CTNNA2: variants seen among roughly 807,000 people sequenced by gnomAD.
The protein encoded by CTNNA2 is catenin alpha 2.
In CTNNA2, 42 loss-of-function variants were observed where a neutral mutation model predicts 101.0. The ratio of observed to expected loss-of-function variants is 0.42; its 90% confidence interval spans 0.32 to 0.54. The LOEUF (loss-of-function observed/expected upper bound fraction) is 0.54. Among genes scored for constraint, CTNNA2 ranks in the 20% least tolerant of loss-of-function variants. The pLI is 0.14. For missense variants in CTNNA2, 871 were observed against 1,223.1 expected (o/e 0.71, Z 4.29); for synonymous variants, 450 against 456.4 (o/e 0.99, Z 0.18).
intron 7 of CTNNA2, among the ~76,000 whole-genome samples, chr2:80,269,461 G>T (rs1433177078): frequency 6.6e-6 from 1 of 152,068 alleles, no homozygotes; most frequent in South Asian, 2.1e-4. Flanking sequence ...TAAGTCTCGG[G>T]TATATCCTTA....
chr2:80,279,048 A>G (rs1674147065), intron 7 of CTNNA2, among the ~76,000 whole-genome samples: 2 of 26,266 alleles, frequency 7.6e-5, no homozygotes, highest in Non-Finnish European at 1.6e-4. Flanking sequence ...AATGACTTTT[A>G]CGTGTGTGTG....
chr2:79,760,402 C>T (rs1311995081), intron 3 of CTNNA2, among the ~76,000 whole-genome samples: 1 of 151,944 alleles, frequency 6.6e-6, no homozygotes. Flanking sequence ...TTGGTTCATG[C>T]AGTTGTGGGA....
intron 7 of CTNNA2, among the ~76,000 whole-genome samples, chr2:80,295,238 T>C (rs554441968): frequency 1.3e-5 from 2 of 151,982 alleles, no homozygotes; most frequent in Non-Finnish European, 2.9e-5. Context: ...TTTTTTTTTT[T>C]TGTGGGTAGG....
intron 1 of CTNNA2, among the ~76,000 whole-genome samples, chr2:79,639,561 T>A (rs1680306662): frequency 6.6e-6 from 1 of 152,196 alleles, no homozygotes; most frequent in African/African-American, 2.4e-5. Context: ...ACATAAGTCC[T>A]CATTAAAAGT....
At chr2:80,060,865 C>G (rs2104377317) in intron 7 of CTNNA2, among the ~76,000 whole-genome samples, 1 of 152,290 alleles carries the variant, frequency 6.6e-6, no homozygotes, top group East Asian at 1.9e-4. Context: ...GCTCTTAGAG[C>G]CTTGGGTTGA....
chr2:79,477,476 C>T (rs1671062666), intron 4 of CTNNA2, among the ~76,000 whole-genome samples: 1 of 152,086 alleles, frequency 6.6e-6, no homozygotes, highest in Non-Finnish European at 1.5e-5. Context: ...CAGCCCATTG[C>T]ATGATCTCTA....
At chr2:80,176,974 AACAGT>A (rs1005716358) in intron 7 of CTNNA2, among the ~76,000 whole-genome samples, 3 of 152,182 alleles carry the variant, frequency 2.0e-5, no homozygotes, top group Admixed American at 6.5e-5. Flanking sequence ...CTATGGGAGA[AACAGT>A]ACCATATATT....
intron 7 of CTNNA2, among the ~76,000 whole-genome samples, chr2:80,359,909 T>C (rs1453837114): frequency 6.6e-6 from 1 of 152,164 alleles, no homozygotes; most frequent in African/African-American, 2.4e-5. Flanking sequence ...GACTGTTAAT[T>C]TGTACCAGAA....
At chr2:80,621,025 C>CAT (rs1355990343) in intron 18 of CTNNA2, among the ~76,000 whole-genome samples, 2 of 151,846 alleles carry the variant, frequency 1.3e-5, no homozygotes, top group Admixed American at 1.3e-4. Context: ...AAAATACATA[C>CAT]ATATATTGTG....
chr2:79,946,850 G>T (rs958438558), intron 7 of CTNNA2, among the ~76,000 whole-genome samples: 1 of 152,158 alleles, frequency 6.6e-6, no homozygotes, highest in Non-Finnish European at 1.5e-5. Flanking sequence ...CAAAGCTTCT[G>T]TTGTTCTGCA....
intron 1 of CTNNA2, among the ~76,000 whole-genome samples, chr2:79,596,501 C>G (rs1241188719): frequency 1.3e-5 from 2 of 152,196 alleles, no homozygotes; most frequent in African/African-American, 4.8e-5. Context: ...ATAAATAAAG[C>G]TCTGGCAACC....
At chr2:80,274,698 G>A (rs1195380570) in intron 7 of CTNNA2, among the ~76,000 whole-genome samples, 1 of 152,122 alleles carries the variant, frequency 6.6e-6, no homozygotes, top group Non-Finnish European at 1.5e-5. Context: ...CTACAGGCTA[G>A]CTACACTGAG....
Position 79,672,665 on chromosome 2 carries a change from T to C in CTNNA2, c.102+21007T>C, listed in dbSNP as rs191407138. 3.0e-3 allele frequency among the ~76,000 whole-genome samples: 457 copies of C among 151,696 alleles called. 5 individuals carry two copies. The highest frequency in any genetic ancestry group is 5.1e-3 in the Non-Finnish European group (345 of 67,914). On this transcript the variant is annotated intron_variant, in intron 2 of 18. Transcript: ENST00000402739. ...AAAAATAGGATAACTACCTGAAACA[T>C]AGATTTTTTCCTAATATTTTCCGAT...
At chr2:80,382,139 A>C (rs1676570728) in intron 7 of CTNNA2, among the ~76,000 whole-genome samples, 1 of 152,190 alleles carries the variant, frequency 6.6e-6, no homozygotes, top group Admixed American at 6.5e-5. Context: ...CCACCTCTGC[A>C]CCTAGCCTTG....
chr2:79,277,616 G>A (rs1287629163), intron 2 of CTNNA2, among the ~76,000 whole-genome samples: 2 of 152,072 alleles, frequency 1.3e-5, no homozygotes, highest in Non-Finnish European at 1.5e-5. Context: ...TGACATAGGT[G>A]TTATAATCCT....
At chr2:79,236,133 T>A (rs1288587276) in intron 2 of CTNNA2, among the ~76,000 whole-genome samples, 1 of 152,154 alleles carries the variant, frequency 6.6e-6, no homozygotes, top group Non-Finnish European at 1.5e-5. Flanking sequence ...CTACCAGGTG[T>A]GGCCTGCCTG....
intron 9 of CTNNA2, among the ~76,000 whole-genome samples, chr2:80,530,349 A>G (rs1399169629): frequency 1.3e-5 from 2 of 152,104 alleles, no homozygotes; most frequent in Non-Finnish European, 2.9e-5. Flanking sequence ...TGGCCCATAA[A>G]AGGAAGAGTT....
chr2:80,270,399 G>A (rs1054154496), intron 7 of CTNNA2, among the ~76,000 whole-genome samples: 2 of 152,180 alleles, frequency 1.3e-5, no homozygotes, highest in African/African-American at 4.8e-5. Context: ...CTTTGCCACT[G>A]ATGGGGTGCA....
intron 11 of CTNNA2, among the ~76,000 whole-genome samples, chr2:80,551,426 G>A (rs1465944370): frequency 6.6e-6 from 1 of 152,182 alleles, no homozygotes; most frequent in African/African-American, 2.4e-5. Flanking sequence ...AAATGGCACC[G>A]TCTTCCAGTA....
Sources: allele counts gnomAD v4.1 joint callset (sites outside exome capture counted in the v4.1 genomes callset), GRCh38; gene constraint gnomAD v4.1.1; transcripts MANE v1.5; gene names NCBI Gene and HGNC (gene_info 2026-07-23, HGNC 2026-07-21).